Variants in TENM2 observed in about 807,000 individuals in gnomAD.
The protein encoded by TENM2 is teneurin-2.
TENM2 carries 52 observed loss-of-function variants against 245.2 expected under a neutral mutation model. The observed-to-expected ratio is 0.21, with a 90% confidence interval of 0.17 to 0.27. The LOEUF (loss-of-function observed/expected upper bound fraction) is 0.27. Ranked by LOEUF, TENM2 falls within the 10% of genes least tolerant of loss-of-function variation. TENM2 has a pLI of 1.00. For missense variants in TENM2, 3,046 were observed against 3,666.8 expected, an observed-to-expected ratio of 0.83 and a Z score of 4.37; for synonymous variants, 1,363 against 1,438.9, an observed-to-expected ratio of 0.95 and a Z score of 1.19.
intron 7 of TENM2, among the ~76,000 whole-genome samples, chr5:168,074,960 T>C (rs925469392): frequency 6.6e-6 from 1 of 152,216 alleles, no homozygotes. Context: ...TCAACAGATT[T>C]TGGCTAACAG....
the TENM2 span, among the ~76,000 whole-genome samples, chr5:167,241,594 C>A: frequency 2.0e-5 from 3 of 152,142 alleles, no homozygotes; most frequent in Non-Finnish European, 2.9e-5. Flanking sequence ...TATAACACGA[C>A]TCAAGAGAAG....
At chr5:167,128,197 T>C in the TENM2 span, among the ~76,000 whole-genome samples, 4 of 152,146 alleles carry the variant, frequency 2.6e-5, no homozygotes, top group African/African-American at 9.7e-5. Flanking sequence ...AAATGCTTGG[T>C]TCAGGGCTAT....
the TENM2 span, among the ~76,000 whole-genome samples, chr5:167,220,912 C>T: frequency 2.0e-5 from 3 of 151,898 alleles, no homozygotes; most frequent in Non-Finnish European, 4.4e-5. Flanking sequence ...CTGCAACCTC[C>T]GCCTCCTGGG....
intron 2 of TENM2, among the ~76,000 whole-genome samples, chr5:167,768,374 A>G (rs1242613598): frequency 6.6e-6 from 1 of 152,204 alleles, no homozygotes; most frequent in African/African-American, 2.4e-5. Context: ...ACTTAGTGAC[A>G]TCCCCCATTA....
Position 168,199,426 on chromosome 5 carries a change from G to A in TENM2, c.3162+312G>A, listed in dbSNP as rs186542964. Among the ~76,000 whole-genome samples the A allele has an allele frequency of 2.9e-3, 443 of 152,276 alleles. 5 individuals are homozygous for A. Among genetic ancestry groups the A allele is most frequent in the African/African-American group, 9.4e-3 (389 of 41,546 alleles). ...GTCACAGAGATACATGGTAAGAGGC[G>A]CTTTAATGATCTACATCGGTGTTAC... On this transcript the variant is annotated intron_variant, in intron 16 of 28. Coordinates refer to ENST00000518659, the Ensembl canonical transcript of TENM2.
chr5:167,651,223 G>A (rs1276684816), intron 2 of TENM2, among the ~76,000 whole-genome samples: 2 of 151,906 alleles, frequency 1.3e-5, no homozygotes, highest in African/African-American at 4.8e-5. Context: ...GTCACGGCTA[G>A]GCAAAAACTG....
chr5:167,569,935 G>A lies in TENM2; in HGVS notation c.502+194462G>A, dbSNP rs192984441. Among the ~76,000 whole-genome samples the A allele has an allele frequency of 1.3e-3, 202 of 152,166 alleles. 1 individual carries two copies. The highest frequency in any genetic ancestry group is 0.01 in the Middle Eastern group (3 of 294). The stretch of plus-strand genomic sequence containing the variant: ...GCTCCTAATTATGATACATCCGAGA[G>A]CACTGTGATAGCTATGGGAATTAAC... On this transcript the variant is annotated intron_variant, in intron 2 of 28. Coordinates refer to ENST00000518659, the Ensembl canonical transcript of TENM2.
At chr5:167,406,142 A>G (rs1037444829) in intron 2 of TENM2, among the ~76,000 whole-genome samples, 11 of 152,114 alleles carry the variant, frequency 7.2e-5, no homozygotes, top group Admixed American at 7.2e-4. Flanking sequence ...AATGCTTCTA[A>G]ATGAGATGGC....
intron 2 of TENM2, among the ~76,000 whole-genome samples, chr5:167,424,853 T>C (rs1013139929): frequency 5.3e-5 from 8 of 152,212 alleles, no homozygotes; most frequent in Non-Finnish European, 1.0e-4. Flanking sequence ...GGGTTTTTTC[T>C]AACCTCATTC....
the TENM2 span, among the ~76,000 whole-genome samples, chr5:167,253,601 A>T: frequency 2.0e-5 from 3 of 152,114 alleles, no homozygotes; most frequent in Non-Finnish European, 4.4e-5. Context: ...ATTTATTTTT[A>T]AAAACTAAGA....
intron 1 of TENM2, chr5:167,296,273 A>G (rs1306791918): frequency 6.6e-6 from 1 of 152,174 alleles, no homozygotes; most frequent in East Asian, 1.9e-4. Context: ...TCCCAGTGGG[A>G]TACATTTCAG....
At chr5:167,391,647 A>AAAAAAAAAAAAAAAAAAAAAAAT (rs70976420) in intron 2 of TENM2, among the ~76,000 whole-genome samples, 3 of 126,838 alleles carry the variant, frequency 2.4e-5, no homozygotes, top group African/African-American at 3.3e-5. Context: ...AAAAAAAAAA[A>AAAAAAAAAAAAAAAAAAAAAAAT]GCACTCTCAA....
intron 2 of TENM2, among the ~76,000 whole-genome samples, chr5:167,429,272 C>T (rs1428675218): frequency 6.6e-6 from 1 of 152,180 alleles, no homozygotes; most frequent in Non-Finnish European, 1.5e-5. Context: ...CCTCTCCATG[C>T]AGCAAGCTCT....
At chr5:166,992,005 A>G in the TENM2 span, among the ~76,000 whole-genome samples, 1 of 152,164 alleles carries the variant, frequency 6.6e-6, no homozygotes, top group Admixed American at 6.5e-5. Flanking sequence ...TTGGAGTAAC[A>G]TTCAGAGATT....
intron 13 of TENM2, among the ~76,000 whole-genome samples, chr5:168,182,825 C>CTTTTTTT (rs149579948): frequency 9.9e-6 from 1 of 100,682 alleles, no homozygotes; most frequent in African/African-American, 4.1e-5. Context: ...TCAGGGTGCT[C>CTTTTTTT]TTTTTTTTTT....
chr5:168,052,452 AT>A (rs1789186401), intron 6 of TENM2, among the ~76,000 whole-genome samples: 1 of 152,024 alleles, frequency 6.6e-6, no homozygotes, highest in South Asian at 2.1e-4. Context: ...ATATATATAT[AT>A]ACACACACAC....
At chr5:168,198,905 G>A (rs1761695659) in exon 16 of TENM2, 1 of 1,613,928 alleles carries the variant, frequency 6.2e-7, no homozygotes, top group African/African-American at 1.3e-5. Context: ...CTTTGAGCGA[G>A]CCCCGTTCAT....
rs1418780607 is a variant in TENM2 at position 167,375,328 on chromosome 5, C to T, written c.357C>T (p.Thr119=). 1.9e-6 allele frequency: 3 copies of T among 1,551,650 alleles called. No homozygotes were observed. In the South Asian group the frequency reaches 3.6e-5, roughly 18 times the overall value. Residue 119 remains threonine (T), a synonymous_variant, in exon 2 of 29, where the codon ACC becomes ACT. Coordinates refer to ENST00000518659, the Ensembl canonical transcript of TENM2. ...CAGGGTCTGACGCCGACTCCGACAC[C>T]GAGGGAGGGATGTCTCCAGAACACG...
chr5:168,195,554 G>GTT, intron 15 of TENM2, among the ~76,000 whole-genome samples: 1 of 6,706 alleles, frequency 1.5e-4, no homozygotes, highest in African/African-American at 1.2e-3. Flanking sequence ...CAATGCACGT[G>GTT]TGTGTGTGTG....
Sources: allele counts gnomAD v4.1 joint callset (sites outside exome capture counted in the v4.1 genomes callset), GRCh38; gene constraint gnomAD v4.1.1; transcripts MANE v1.5; gene names NCBI Gene and HGNC (gene_info 2026-07-23, HGNC 2026-07-21).